IGSF3: variants seen among roughly 807,000 people sequenced by gnomAD.
The protein encoded by IGSF3 is glu-Trp-Ile EWI motif-containing protein 3.
Under a neutral mutation model 114.4 loss-of-function variants are expected in IGSF3, and 23 were observed. The ratio of observed to expected loss-of-function variants is 0.20; its 90% CI spans 0.14 to 0.28. The LOEUF (loss-of-function observed/expected upper bound fraction) is 0.28. Ranked by LOEUF, IGSF3 falls within the 10% of genes least tolerant of loss-of-function variation. The probability of loss-of-function intolerance (pLI) is 1.00; values close to 1 mark genes in which losing one functional copy is unlikely to be tolerated. For missense variants in IGSF3, 1,172 were observed against 1,591.5 expected (o/e 0.74, Z 4.48); for synonymous variants, 571 against 645.2 (o/e 0.88, Z 1.74).
In IGSF3 at chr1:116,634,130, C is replaced by T. The variant is rs187368392; in HGVS notation, c.44-17673G>A. The stretch of plus-strand genomic sequence containing the variant: ...TTAGGTCAGAAGCAGACTTAATTTG[C>T]ACTGTGTACATCCTTCGGTATCCTT... On this transcript the variant is annotated intron_variant, in intron 2 of 10. Coordinates refer to ENST00000369486, the MANE Select transcript of IGSF3 (RefSeq NM_001007237.3). The surrounding 1 kb of genome is among the most constrained non-coding windows in gnomAD (Gnocchi z 4.2). 2.0e-5 allele frequency among the ~76,000 whole-genome samples: 3 copies of T among 152,344 alleles called. No individual in the cohort carries two copies. The highest frequency in any genetic ancestry group is 3.9e-4 in the East Asian group (2 of 5,190).
intron 2 of IGSF3, among the ~76,000 whole-genome samples, chr1:116,645,482 T>A (rs35826909): frequency 0.1 from 15,637 of 152,300 alleles, 1,019 homozygotes; most frequent in Non-Finnish European, 0.15. Context: ...TTTAAACTGG[T>A]GAGTTCCGTT....
intron 2 of IGSF3, among the ~76,000 whole-genome samples, chr1:116,639,559 C>G (rs1647989047): frequency 6.6e-6 from 1 of 152,200 alleles, no homozygotes; most frequent in African/African-American, 2.4e-5. Context: ...CTGCCTTCTC[C>G]TTTCATGCTC....
rs1371633862 is a variant in IGSF3, at chr1:116,577,263, G to A, written c.*49C>T. On this transcript the variant is annotated 3_prime_UTR_variant, in exon 11 of 11. Transcript: ENST00000369486. This position sits in a 1 kb window ranked among gnomAD's most constrained non-coding sequence, Gnocchi z 5.7. ...GTCAACTGTCCAATCACAGAGAAAG[G>A]GAGAGCCTCAGCTCCTCCGTGGCCA... is the stretch of plus-strand genomic sequence containing the variant. 1 of 1,600,110 alleles carries A rather than the reference G, an allele frequency of 6.2e-7. No individual in the cohort carries two copies. The highest frequency in any genetic ancestry group is 8.5e-7 in the Non-Finnish European group (1 of 1,172,110).
In IGSF3 at chr1:116,651,704, T is replaced by C. The variant is rs570482421; in HGVS notation, c.43+14580A>G. On this transcript the variant is annotated intron_variant, in intron 2 of 10. Transcript: ENST00000369486. This position sits in a 1 kb window ranked among gnomAD's most constrained non-coding sequence, Gnocchi z 4.4. ...AAAATGGCAATAAAGCTCAACTTAA[T>C]ATTTACTCTATTCCAAGCAGTAGGC... Among the ~76,000 whole-genome samples the C allele has an allele frequency of 6.6e-6, 1 of 152,278 alleles. No homozygotes were observed. Among genetic ancestry groups the C allele is most frequent in the Non-Finnish European group, 1.5e-5 (1 of 68,024 alleles).
At position 116,612,479 on chromosome 1, in the gene IGSF3, C is replaced by T. The variant is rs1029263431; in HGVS notation, c.832+1286G>A. Among the ~76,000 whole-genome samples, 1 of 152,070 alleles carries T rather than the reference C, an allele frequency of 6.6e-6. No individual in the cohort carries two copies. Among genetic ancestry groups the T allele is most frequent in the Non-Finnish European group, 1.5e-5 (1 of 68,010 alleles). ...GAAATCCAGCTTCCCAGGTCCCATC[C>T]CAGGAGCCTCCAATTGAAGACTTCT... is the stretch of plus-strand genomic sequence containing the variant. On this transcript the variant is annotated intron_variant, in intron 4 of 10. Coordinates refer to ENST00000369486, the MANE Select transcript of IGSF3 (RefSeq NM_001007237.3). This position sits in a 1 kb window ranked among gnomAD's most constrained non-coding sequence, Gnocchi z 4.1.
Position 116,655,858 on chromosome 1 carries a change from T to C in IGSF3, c.43+10426A>G, listed in dbSNP as rs1401624622. On this transcript the variant is annotated intron_variant, in intron 2 of 10. Coordinates refer to ENST00000369486, the MANE Select transcript of IGSF3 (RefSeq NM_001007237.3). The surrounding 1 kb of genome is among the most constrained non-coding windows in gnomAD (Gnocchi z 4.3). The stretch of plus-strand genomic sequence containing the variant: ...GCTTAATTTGATGAATTTATGTATT[T>C]TTTGAAGAAAATATGCAGAATAAAC... 2.6e-5 allele frequency among the ~76,000 whole-genome samples: 4 copies of C among 152,328 alleles called. No homozygotes were observed. In the East Asian group the frequency reaches 5.8e-4, roughly 22 times the overall value.
At position 116,585,106 on chromosome 1, in the gene IGSF3, C is replaced by T. The variant is rs981155914; in HGVS notation, c.2441-54G>A. On this transcript the variant is annotated intron_variant, in intron 8 of 10. Transcript: ENST00000369486. This position sits in a 1 kb window ranked among gnomAD's most constrained non-coding sequence, Gnocchi z 4.9. Reference sequence around the variant, plus strand: ...ACAAAAGGACAACAAGCAATTCGTACGCACCCTTTCCCAGGGTAGGTGAAT... The same window carrying T: ...ACAAAAGGACAACAAGCAATTCGTATGCACCCTTTCCCAGGGTAGGTGAAT... 2.7e-5 allele frequency: 37 copies of T among 1,395,158 alleles called. No individual in the cohort carries two copies. The highest frequency in any genetic ancestry group is 1.2e-4 in the Admixed American group (5 of 43,216). 86.4% of individuals were successfully genotyped at this position (1,395,158 alleles called of 1,614,324 possible). A position where few individuals can be genotyped will look rare whatever the true frequency, so the allele number is the denominator to read the frequency against.
intron 4 of IGSF3, among the ~76,000 whole-genome samples, chr1:116,611,298 T>C (rs1211984809): frequency 1.3e-5 from 2 of 152,202 alleles, no homozygotes; most frequent in South Asian, 4.1e-4. Flanking sequence ...GGACTTTTTA[T>C]TCATACAAAA....
At position 116,589,761 on chromosome 1, in the gene IGSF3, G is replaced by A. The variant is rs12073240; in HGVS notation, c.2030-657C>T. Among the ~76,000 whole-genome samples, 3,492 of 152,210 alleles carry A rather than the reference G, an allele frequency of 0.023. 124 individuals carry two copies. The highest frequency in any genetic ancestry group is 0.078 in the African/African-American group (3,256 of 41,498). On this transcript the variant is annotated intron_variant, in intron 7 of 10. Coordinates refer to ENST00000369486, the MANE Select transcript of IGSF3 (RefSeq NM_001007237.3). This position sits in a 1 kb window ranked among gnomAD's most constrained non-coding sequence, Gnocchi z 5.7. ...ATCTCTCTCCCATATCCTAGATGGT[G>A]AGCTCCCCCAGGGCAGGGATCAAAC...
rs1201568238 is a variant in IGSF3, at chr1:116,629,937, T to C, written c.44-13480A>G. Among the ~76,000 whole-genome samples the C allele has an allele frequency of 1.3e-5, 2 of 152,162 alleles. No individual in the cohort carries two copies. Among genetic ancestry groups the C allele is most frequent in the Non-Finnish European group, 2.9e-5 (2 of 68,036 alleles). On this transcript the variant is annotated intron_variant, in intron 2 of 10. Transcript: ENST00000369486. This position sits in a 1 kb window ranked among gnomAD's most constrained non-coding sequence, Gnocchi z 4.3. Reference sequence around the variant, plus strand: ...CAGAGACTGTGAGCCCTGATGAAAATCATCCTTTCAGGGTACAAGGAAGGC... The same window carrying C: ...CAGAGACTGTGAGCCCTGATGAAAACCATCCTTTCAGGGTACAAGGAAGGC...
In IGSF3 at chr1:116,649,851, G is replaced by A. The variant is rs1203381986; in HGVS notation, c.43+16433C>T. ...ATTTGAGGTGCTCTAGAATCTGTCC[G>A]TGGAATTAGTCAGGACATAATCTCC... is the stretch of plus-strand genomic sequence containing the variant. On this transcript the variant is annotated intron_variant, in intron 2 of 10. Coordinates refer to ENST00000369486, the MANE Select transcript of IGSF3 (RefSeq NM_001007237.3). This position sits in a 1 kb window ranked among gnomAD's most constrained non-coding sequence, Gnocchi z 4.5. Among the ~76,000 whole-genome samples the A allele has an allele frequency of 1.3e-5, 2 of 152,066 alleles. No individual in the cohort carries two copies. Among genetic ancestry groups the A allele is most frequent in the Non-Finnish European group, 2.9e-5 (2 of 68,002 alleles).
chr1:116,666,344 G>A lies in IGSF3; in HGVS notation c.-18C>T. On this transcript the variant is annotated 5_prime_UTR_variant, in exon 2 of 11. Coordinates refer to ENST00000369486, the MANE Select transcript of IGSF3 (RefSeq NM_001007237.3). ...CACTTCATGTCGGCAGCCTCCAGGA[G>A]ACACAACACAAGGCGCTTCCTCTTC... 2 of 1,613,672 alleles carry A rather than the reference G, an allele frequency of 1.2e-6. No homozygotes were observed. Among genetic ancestry groups the A allele is most frequent in the East Asian group, 2.2e-5 (1 of 44,888 alleles).
At chr1:116,613,098 T>C (rs890535570) in intron 4 of IGSF3, among the ~76,000 whole-genome samples, 5 of 152,190 alleles carry the variant, frequency 3.3e-5, no homozygotes, top group Non-Finnish European at 7.3e-5. Context: ...CAACATGCCC[T>C]ATGACTCCTC....
rs1659930543 is a variant in IGSF3 at position 116,588,089 on chromosome 1, T to C, written c.2440+605A>G. On this transcript the variant is annotated intron_variant, in intron 8 of 10. Coordinates refer to ENST00000369486, the MANE Select transcript of IGSF3 (RefSeq NM_001007237.3). This position sits in a 1 kb window ranked among gnomAD's most constrained non-coding sequence, Gnocchi z 4.9. ...TTTAACAATCAGAGCTGCCCAAAAATGGAACTGAGGCTTGCGGACTGAATA... is the reference window on the plus strand; with the variant it reads ...TTTAACAATCAGAGCTGCCCAAAAACGGAACTGAGGCTTGCGGACTGAATA... Among the ~76,000 whole-genome samples, 1 of 152,120 alleles carries C rather than the reference T, an allele frequency of 6.6e-6. No homozygotes were observed. Among genetic ancestry groups the C allele is most frequent in the African/African-American group, 2.4e-5 (1 of 41,432 alleles).
chr1:116,649,701 C>T lies in IGSF3; in HGVS notation c.43+16583G>A, dbSNP rs1298428579. 6.6e-6 allele frequency among the ~76,000 whole-genome samples: 1 copy of T among 152,208 alleles called. No individual in the cohort carries two copies. The highest frequency in any genetic ancestry group is 1.5e-5 in the Non-Finnish European group (1 of 68,034). ...TTACTTTCTTCCCCTTCCAAAGAAC[C>T]TGGTACCCAGCTACTTAATCCTTAT... On this transcript the variant is annotated intron_variant, in intron 2 of 10. Coordinates refer to ENST00000369486, the MANE Select transcript of IGSF3 (RefSeq NM_001007237.3). This position sits in a 1 kb window ranked among gnomAD's most constrained non-coding sequence, Gnocchi z 4.5.
intron 2 of IGSF3, among the ~76,000 whole-genome samples, chr1:116,637,241 C>T (rs559072851): frequency 1.2e-4 from 18 of 152,294 alleles, no homozygotes; most frequent in African/African-American, 3.9e-4. Context: ...CAGGGGAAAG[C>T]ACTATTCGAA....
Position 116,608,006 on chromosome 1 carries a change from G to C in IGSF3, c.1158C>G (p.Thr386=), listed in dbSNP as rs79475403. 1.9e-6 allele frequency: 3 copies of C among 1,613,628 alleles called. No homozygotes were observed. The highest frequency in any genetic ancestry group is 2.5e-6 in the Non-Finnish European group (3 of 1,179,706). ...TGCTCTCCTTATCAATGAATTCCCCGGTCACGGTTTTCTCTCGCTCAGTCA... is the reference window on the plus strand; with the variant it reads ...TGCTCTCCTTATCAATGAATTCCCCCGTCACGGTTTTCTCTCGCTCAGTCA... ...CRVTEREKTV[T]GEFIDKESKR... Residue 386 remains threonine, a synonymous_variant, in exon 5 of 11, where the codon ACC becomes ACG. Transcript: ENST00000369486.
chr1:116,577,857 A>G lies in IGSF3; in HGVS notation c.3335-295T>C, dbSNP rs2101279764. ...ATGAAACATAATTTATTGATTGTGA[A>G]CTCAACTGCATCTAGAATGGTGAAG... On this transcript the variant is annotated intron_variant, in intron 10 of 10. Transcript: ENST00000369486. The surrounding 1 kb of genome is among the most constrained non-coding windows in gnomAD (Gnocchi z 5.7). Among the ~76,000 whole-genome samples the G allele has an allele frequency of 6.6e-6, 1 of 152,262 alleles. No homozygotes were observed. The highest frequency in any genetic ancestry group is 2.1e-4 in the South Asian group (1 of 4,824).
At chr1:116,611,719 T>C (rs1364953290) in intron 4 of IGSF3, among the ~76,000 whole-genome samples, 2 of 152,130 alleles carry the variant, frequency 1.3e-5, no homozygotes, top group African/African-American at 2.4e-5. Context: ...GGATTTGTCT[T>C]ATCAACCATC....
Sources: allele counts gnomAD v4.1 joint callset (sites outside exome capture counted in the v4.1 genomes callset), GRCh38; gene constraint gnomAD v4.1.1; non-coding constraint Gnocchi (gnomAD v3.1); transcripts MANE v1.5; gene names NCBI Gene and HGNC (gene_info 2026-07-23, HGNC 2026-07-21).